The following CDC73 variants were observed in gnomAD, a reference collection of about 807,000 sequenced individuals.
CDC73 encodes the protein parafibromin.
A neutral mutation model predicts 83.7 loss-of-function variants in CDC73; 21 were observed. The ratio of observed to expected loss-of-function variants is 0.25; its 90% CI spans 0.18 to 0.36. The LOEUF (loss-of-function observed/expected upper bound fraction) is 0.36, where lower values mean the gene tolerates loss of function less well. Among genes scored for constraint, CDC73 ranks in the 10% least tolerant of loss-of-function variants. The pLI, the probability that CDC73 is intolerant of heterozygous loss-of-function variation, is 1.00. For missense variants in CDC73, 342 were observed against 653.3 expected (o/e 0.52, Z 5.19); for synonymous variants, 224 against 212.9 (o/e 1.05, Z -0.45).
At chr1:193,211,960 C>G (rs905831959) in intron 11 of CDC73, 105 bp from the exon 12 acceptor site, 13 of 822,688 alleles carry the variant, frequency 1.6e-5, no homozygotes, top group African/African-American at 1.5e-4. Flanking sequence ...TACAGTTAGT[C>G]ATATGGGAAT....
At chr1:193,132,361 T>C (rs1675710674) in intron 3 of CDC73, among the ~76,000 whole-genome samples, 2 of 152,352 alleles carry the variant, frequency 1.3e-5, no homozygotes, top group South Asian at 4.1e-4. Flanking sequence ...GTCTTAAACA[T>C]GTAAACATGT....
intron 10 of CDC73, among the ~76,000 whole-genome samples, chr1:193,202,974 A>G (rs1465750050): frequency 1.3e-5 from 2 of 151,962 alleles, no homozygotes; most frequent in East Asian, 1.9e-4. Context: ...TAATTTGTCA[A>G]ATTTCCTTCT....
Position 193,216,511 on chromosome 1 carries a change from A to G in CDC73, c.1154+4034A>G, listed in dbSNP as rs562982509. Among the ~76,000 whole-genome samples, 12 of 152,288 alleles carry G rather than the reference A, an allele frequency of 7.9e-5. 1 individual carries two copies. In the South Asian group the frequency reaches 1.7e-3, roughly 21 times the overall value. ...GACAGATTAACAGCTGAATTCTACC[A>G]GATGTATAAAGGAGAGCTGGTACCA... On this transcript the variant is annotated intron_variant, in intron 13 of 16. Transcript: ENST00000367435.
intron 10 of CDC73, among the ~76,000 whole-genome samples, chr1:193,169,915 A>T (rs1261839298): frequency 6.6e-6 from 1 of 151,836 alleles, no homozygotes; most frequent in African/African-American, 2.4e-5. Flanking sequence ...TAAGCCTAAT[A>T]CCCATTAGTT....
In CDC73 at chr1:193,152,567, G is replaced by C; in HGVS notation, c.972+123G>C. The C allele has an allele frequency of 4.3e-6, 3 of 690,362 alleles. No individual in the cohort carries two copies. The South Asian group carries it at 4.7e-5, about 11-fold the overall frequency. The allele number at this position is 690,362 out of a possible 1,614,324, so 42.8% of individuals were successfully genotyped here. A position where few individuals can be genotyped will look rare whatever the true frequency, so the allele number is the denominator to read the frequency against. ...AAACATTTTTCTTTATTGATCACTT[G>C]TGCTGATTGATCTGTGTGGTGTATT... On this transcript the variant is annotated intron_variant, in intron 10 of 16. Coordinates refer to ENST00000367435, the MANE Select transcript of CDC73 (RefSeq NM_024529.5).
rs541425347 is a variant in CDC73, at chr1:193,189,891, A to G, written c.973-13904A>G. On this transcript the variant is annotated intron_variant, in intron 10 of 16. Coordinates refer to ENST00000367435, the MANE Select transcript of CDC73 (RefSeq NM_024529.5). Reference sequence around the variant, plus strand: ...AGTTACATCATCTGTTTATCTATGTATGTACATTCAACAATATGTCCTTGG... The same window carrying G: ...AGTTACATCATCTGTTTATCTATGTGTGTACATTCAACAATATGTCCTTGG... Among the ~76,000 whole-genome samples the G allele has an allele frequency of 1.3e-3, 194 of 152,344 alleles. 1 individual carries two copies. The highest frequency in any genetic ancestry group is 4.6e-3 in the African/African-American group (190 of 41,576).
chr1:193,166,462 C>A (rs903398154), intron 10 of CDC73, among the ~76,000 whole-genome samples: 2 of 151,868 alleles, frequency 1.3e-5, no homozygotes, highest in African/African-American at 4.8e-5. Context: ...TTCATTATTG[C>A]CTTACATTTT....
chr1:193,161,571 ATT>A (rs1306915808), intron 10 of CDC73, among the ~76,000 whole-genome samples: 31 of 126,610 alleles, frequency 2.4e-4, no homozygotes, highest in Middle Eastern at 4.1e-3. Context: ...GCATATATAT[ATT>A]ATTATATAAT....
chr1:193,195,485 C>A (rs563589600), intron 10 of CDC73, among the ~76,000 whole-genome samples: 1 of 151,832 alleles, frequency 6.6e-6, no homozygotes, highest in African/African-American at 2.4e-5. Context: ...TGTTTAAGTC[C>A]GTGATTTCAA....
At chr1:193,175,682 A>T (rs1220412332) in intron 10 of CDC73, among the ~76,000 whole-genome samples, 2 of 152,240 alleles carry the variant, frequency 1.3e-5, no homozygotes, top group East Asian at 3.8e-4. Flanking sequence ...ATCATAAGTA[A>T]TCTAGAGATT....
rs759306050 is a variant in CDC73 at position 193,181,344 on chromosome 1, C to G, written c.973-22451C>G. On this transcript the variant is annotated intron_variant, in intron 10 of 16. Coordinates refer to ENST00000367435, the MANE Select transcript of CDC73 (RefSeq NM_024529.5). ...TGTTCCGAAGGGAGCTGTGGTTTGT[C>G]TCACTTTTTGTTGACCGAAATCCTC... The G allele has an allele frequency of 1.2e-4, 189 of 1,613,912 alleles. 1 individual carries two copies. The East Asian group carries it at 4.2e-3, about 36-fold the overall frequency.
chr1:193,205,329 G>A (rs1677170891), intron 11 of CDC73, among the ~76,000 whole-genome samples: 1 of 151,086 alleles, frequency 6.6e-6, no homozygotes, highest in African/African-American at 2.4e-5. Context: ...TATCAATAGT[G>A]CAGATTTGGA....
Position 193,206,272 on chromosome 1 carries a change from C to G in CDC73, c.1030+2420C>G, listed in dbSNP as rs193246803. On this transcript the variant is annotated intron_variant, in intron 11 of 16. Transcript: ENST00000367435. Reference sequence around the variant, plus strand: ...AGCTAAAGTGCCCTGGGGATTAAACCAATGGAAATTACTCTGAATGAGTGT... The same window carrying G: ...AGCTAAAGTGCCCTGGGGATTAAACGAATGGAAATTACTCTGAATGAGTGT... Among the ~76,000 whole-genome samples the G allele has an allele frequency of 9.5e-4, 144 of 152,202 alleles. 1 individual carries two copies. The highest frequency in any genetic ancestry group is 9.4e-3 in the Admixed American group (143 of 15,280).
intron 10 of CDC73, among the ~76,000 whole-genome samples, chr1:193,169,943 C>T (rs979803848): frequency 6.6e-6 from 1 of 152,150 alleles, no homozygotes; most frequent in Non-Finnish European, 1.5e-5. Flanking sequence ...CTGATCCTCT[C>T]TCTCTGCTCT....
chr1:193,180,654 G>A (rs1349540875), intron 10 of CDC73: 4 of 1,614,090 alleles, frequency 2.5e-6, no homozygotes, highest in South Asian at 1.1e-5. Flanking sequence ...GCTCACTTGG[G>A]TAGAGGTCTG....
chr1:193,151,283 T>C (rs780066435), intron 9 of CDC73, among the ~76,000 whole-genome samples: 12 of 152,256 alleles, frequency 7.9e-5, no homozygotes, highest in Non-Finnish European at 5.9e-5. Context: ...TTTTGTGTGC[T>C]GACTTCATTC....
At chr1:193,125,262 T>G (rs1254262331) in intron 2 of CDC73, 45 bp downstream of exon 2, 6 of 1,163,134 alleles carry the variant, frequency 5.2e-6, no homozygotes, top group Non-Finnish European at 7.7e-6. Context: ...ATCAGTTTTA[T>G]TTTTATTTAT....
chr1:193,158,930 G>A (rs115572793), intron 10 of CDC73, among the ~76,000 whole-genome samples: 1,886 of 140,804 alleles, frequency 0.013, 19 homozygotes, highest in South Asian at 0.046. Context: ...ACATATATCC[G>A]TATTAACATA....
intron 10 of CDC73, among the ~76,000 whole-genome samples, chr1:193,192,688 T>C (rs1221566632): frequency 1.3e-5 from 2 of 152,180 alleles, no homozygotes; most frequent in Non-Finnish European, 2.9e-5. Context: ...GACACTGATA[T>C]TCAGTGAAAG....
Sources: allele counts gnomAD v4.1 joint callset (sites outside exome capture counted in the v4.1 genomes callset), GRCh38; gene constraint gnomAD v4.1.1; transcripts MANE v1.5; gene names NCBI Gene and HGNC (gene_info 2026-07-23, HGNC 2026-07-21).